The following NDUFAF2 variants were observed in gnomAD, a reference collection of about 807,000 sequenced individuals.
The protein encoded by NDUFAF2 is NADH dehydrogenase [ubiquinone] 1 alpha subcomplex assembly factor 2.
Under a neutral mutation model 22.8 loss-of-function variants are expected in NDUFAF2, and 13 were observed. That is an observed-to-expected ratio of 0.57 (90% confidence interval 0.37 to 0.91). The LOEUF (loss-of-function observed/expected upper bound fraction) is 0.91. Ranked by LOEUF, NDUFAF2 falls within the 40% of genes least tolerant of loss-of-function variation. The probability of loss-of-function intolerance (pLI) is 0.01; values close to 1 mark genes in which losing one functional copy is unlikely to be tolerated. For missense variants in NDUFAF2, 162 were observed against 195.2 expected, an observed-to-expected ratio of 0.83 and a Z score of 1.01; for synonymous variants, 53 against 64.2, an observed-to-expected ratio of 0.83 and a Z score of 0.84.
chr5:60,947,800 C>G (rs1396470836), intron 1 of NDUFAF2, among the ~76,000 whole-genome samples: 1 of 147,248 alleles, frequency 6.8e-6, no homozygotes, highest in African/African-American at 2.5e-5. Context: ...CAAAAAACAA[C>G]AAACAAATAT....
At chr5:61,035,415 T>G (rs1320914148) in intron 1 of NDUFAF2, among the ~76,000 whole-genome samples, 1 of 144,542 alleles carries the variant, frequency 6.9e-6, no homozygotes, top group Non-Finnish European at 1.5e-5. Context: ...TCTCTTTCTC[T>G]CTTGCTCTGT....
chr5:61,113,426 A>C (rs1361312502), intron 3 of NDUFAF2, among the ~76,000 whole-genome samples: 1 of 152,006 alleles, frequency 6.6e-6, no homozygotes, highest in East Asian at 1.9e-4. Context: ...TGGGTATTCT[A>C]TTCTAGGATG....
intron 1 of NDUFAF2, among the ~76,000 whole-genome samples, chr5:60,985,466 A>G (rs1011293078): frequency 1.3e-5 from 2 of 151,736 alleles, no homozygotes; most frequent in African/African-American, 4.8e-5. Context: ...TTGCTTCTCT[A>G]GTTCTTTTAA....
At chr5:61,099,201 A>G (rs924716143) in intron 3 of NDUFAF2, among the ~76,000 whole-genome samples, 169 bp downstream of exon 3, 10 of 150,620 alleles carry the variant, frequency 6.6e-5, no homozygotes, top group African/African-American at 2.4e-4. Flanking sequence ...TTATTAATAA[A>G]ATAATATATG....
chr5:61,146,653 T>G (rs1741142306), intron 3 of NDUFAF2, among the ~76,000 whole-genome samples: 1 of 152,124 alleles, frequency 6.6e-6, no homozygotes, highest in African/African-American at 2.4e-5. Flanking sequence ...ATTTAGCAAT[T>G]TGATTTGGAT....
chr5:61,110,927 C>G (rs1752832938), intron 3 of NDUFAF2, among the ~76,000 whole-genome samples: 1 of 151,816 alleles, frequency 6.6e-6, no homozygotes, highest in South Asian at 2.1e-4. Flanking sequence ...TGAAGTTTTT[C>G]TACTTTTTTG....
chr5:61,073,714 T>G (rs768793675), intron 2 of NDUFAF2, among the ~76,000 whole-genome samples: 1 of 152,226 alleles, frequency 6.6e-6, no homozygotes, highest in Non-Finnish European at 1.5e-5. Flanking sequence ...CAAGGATGGA[T>G]GCTCGATCCC....
chr5:61,012,852 TCAAA>T (rs1313520536), intron 1 of NDUFAF2, among the ~76,000 whole-genome samples: 21 of 152,170 alleles, frequency 1.4e-4, no homozygotes, highest in Middle Eastern at 3.4e-3. Context: ...GAAAAAATAG[TCAAA>T]CAAAGTCACA....
At chr5:61,006,583 G>A (rs1019274761) in intron 1 of NDUFAF2, among the ~76,000 whole-genome samples, 8 of 152,250 alleles carry the variant, frequency 5.3e-5, no homozygotes, top group African/African-American at 1.9e-4. Flanking sequence ...AGCATGGAAT[G>A]TTCTTCCATT....
intron 1 of NDUFAF2, among the ~76,000 whole-genome samples, chr5:61,013,286 T>A (rs1751463726): frequency 7.6e-6 from 1 of 131,738 alleles, no homozygotes; most frequent in Non-Finnish European, 1.5e-5. Flanking sequence ...CTTAATTAAA[T>A]TTTTTTTTCA....
intron 2 of NDUFAF2, among the ~76,000 whole-genome samples, chr5:61,080,906 A>G (rs978783267): frequency 2.0e-5 from 3 of 152,052 alleles, no homozygotes; most frequent in Non-Finnish European, 4.4e-5. Context: ...CATGGTTTCA[A>G]TGTTGTATGA....
At chr5:61,043,321 A>G (rs1429776039) in intron 1 of NDUFAF2, among the ~76,000 whole-genome samples, 1 of 152,206 alleles carries the variant, frequency 6.6e-6, no homozygotes, top group Non-Finnish European at 1.5e-5. Context: ...GTGTAATACT[A>G]TAATGGTGAG....
intron 1 of NDUFAF2, among the ~76,000 whole-genome samples, chr5:60,952,689 G>A (rs1256196796): frequency 1.3e-5 from 2 of 152,090 alleles, no homozygotes; most frequent in Non-Finnish European, 2.9e-5. Context: ...TTCTGTAAAT[G>A]TCAGTTAGCC....
At chr5:61,058,174 C>T (rs891190848) in intron 1 of NDUFAF2, among the ~76,000 whole-genome samples, 3 of 152,034 alleles carry the variant, frequency 2.0e-5, no homozygotes, top group African/African-American at 4.8e-5. Context: ...TGCTACATTT[C>T]GAATCTGAAA....
At chr5:60,958,819 A>G (rs2112566379) in intron 1 of NDUFAF2, among the ~76,000 whole-genome samples, 1 of 152,224 alleles carries the variant, frequency 6.6e-6, no homozygotes, top group African/African-American at 2.4e-5. Context: ...ATTATTCTTC[A>G]GGGACTAAAA....
chr5:61,013,174 A>C (rs1175380015), intron 1 of NDUFAF2, among the ~76,000 whole-genome samples: 1 of 152,118 alleles, frequency 6.6e-6, no homozygotes, highest in Non-Finnish European at 1.5e-5. Flanking sequence ...AAATTATTGA[A>C]ACTTGGAGAG....
chr5:60,955,756 C>T (rs988173616), intron 1 of NDUFAF2, among the ~76,000 whole-genome samples: 2 of 152,018 alleles, frequency 1.3e-5, no homozygotes, highest in Non-Finnish European at 2.9e-5. Flanking sequence ...TTCTTTCATC[C>T]ATGTTTTATA....
chr5:61,108,970 G>T, intron 3 of NDUFAF2, among the ~76,000 whole-genome samples: 1 of 151,990 alleles, frequency 6.6e-6, no homozygotes, highest in East Asian at 1.9e-4. Context: ...AATAATTTTA[G>T]AATTTTTTTT....
intron 3 of NDUFAF2, among the ~76,000 whole-genome samples, chr5:61,109,805 A>G (rs1248834491): frequency 6.6e-6 from 1 of 152,118 alleles, no homozygotes; most frequent in Non-Finnish European, 1.5e-5. Context: ...CCCTTCCACC[A>G]TAATTGTAAG....
Sources: gnomAD v4.1 joint callset for allele counts (sites outside exome capture counted in the v4.1 genomes callset) on GRCh38, gnomAD v4.1.1 for gene constraint, MANE v1.5 for transcripts, NCBI Gene and HGNC (gene_info 2026-07-23, HGNC 2026-07-21) for gene names.